LGSN: variants seen among roughly 807,000 people sequenced by gnomAD.
LGSN encodes the protein lengsin.
A neutral mutation model predicts 19.5 loss-of-function variants in LGSN; 21 were observed. That is an observed-to-expected ratio of 1.07 (90% CI 0.76 to 1.55). The LOEUF (loss-of-function observed/expected upper bound fraction) is 1.55. Among genes scored for constraint, LGSN ranks in the 40% most tolerant of loss-of-function variants. LGSN has a pLI of 0.00. For synonymous variants in LGSN, 257 were observed against 215.6 expected (o/e 1.19, Z -1.68); for missense variants, 673 against 608.5 (o/e 1.11, Z -1.12).
the LGSN span, among the ~76,000 whole-genome samples, chr6:63,445,360 G>A: frequency 6.6e-5 from 10 of 151,798 alleles, 1 homozygote; most frequent in South Asian, 1.9e-3. Context: ...GCTCACGCCT[G>A]TAATCTCAGC....
At chr6:63,294,843 A>T (rs1767913128) in intron 2 of LGSN, 70 bp downstream of exon 2, 3 of 1,467,502 alleles carry the variant, frequency 2.0e-6, no homozygotes, top group Non-Finnish European at 2.8e-6. Flanking sequence ...AAGATGTTTT[A>T]TGAAAAGAAA....
the LGSN span, among the ~76,000 whole-genome samples, chr6:63,423,411 C>A: frequency 6.6e-6 from 1 of 150,410 alleles, no homozygotes; most frequent in South Asian, 2.1e-4. Context: ...AGGAGGCAGG[C>A]AGATTTCATG....
chr6:63,467,150 G>C, the LGSN span, among the ~76,000 whole-genome samples: 5 of 151,962 alleles, frequency 3.3e-5, no homozygotes, highest in Non-Finnish European at 7.4e-5. Context: ...GCCTATAAAA[G>C]ATAAGAATTT....
chr6:63,367,553 A>C, the LGSN span, among the ~76,000 whole-genome samples: 27 of 151,564 alleles, frequency 1.8e-4, no homozygotes, highest in South Asian at 5.6e-3. Flanking sequence ...AGGATCTAGA[A>C]CTAGAAATAC....
At chr6:63,509,108 A>G in the LGSN span, among the ~76,000 whole-genome samples, 592 of 150,980 alleles carry the variant, frequency 3.9e-3, 2 homozygotes, top group Middle Eastern at 0.021. Context: ...TCTGTTGCCC[A>G]GGCTGGAGTA....
At chr6:63,453,339 CTA>C in the LGSN span, among the ~76,000 whole-genome samples, 4 of 152,068 alleles carry the variant, frequency 2.6e-5, no homozygotes, top group African/African-American at 9.7e-5. Flanking sequence ...AATTTTCTCT[CTA>C]TGTGTTCTAT....
the LGSN span, among the ~76,000 whole-genome samples, chr6:63,400,744 A>G: frequency 6.6e-6 from 1 of 152,230 alleles, no homozygotes; most frequent in African/African-American, 2.4e-5. Context: ...CTGTAATCCC[A>G]GTACTTTGGG....
At chr6:63,313,610 A>G (rs1029629829) in intron 1 of LGSN, among the ~76,000 whole-genome samples, 1 of 152,084 alleles carries the variant, frequency 6.6e-6, no homozygotes, top group Non-Finnish European at 1.5e-5. Context: ...CAAGGTGGGC[A>G]AATGACTTGA....
chr6:63,370,241 T>A, the LGSN span, among the ~76,000 whole-genome samples: 1 of 152,200 alleles, frequency 6.6e-6, no homozygotes, highest in Non-Finnish European at 1.5e-5. Context: ...ACAGAGTAAC[T>A]GACAAGATGT....
chr6:63,319,228 T>C lies in LGSN; in HGVS notation c.30+686A>G, dbSNP rs192044375. ...CTATTTCATACATAATGCACTGGTCTTCCACTGCACTCTTCACATAGTAGG... is the reference window on the plus strand; with the variant it reads ...CTATTTCATACATAATGCACTGGTCCTCCACTGCACTCTTCACATAGTAGG... On this transcript the variant is annotated intron_variant, in intron 1 of 3. Coordinates refer to ENST00000370657, the MANE Select transcript of LGSN (RefSeq NM_016571.3). 2.2e-4 allele frequency among the ~76,000 whole-genome samples: 34 copies of C among 152,370 alleles called. 1 individual carries two copies. The highest frequency in any genetic ancestry group is 2.1e-3 in the Admixed American group (32 of 15,302).
the LGSN span, among the ~76,000 whole-genome samples, chr6:63,328,878 G>T: frequency 6.6e-5 from 10 of 152,292 alleles, no homozygotes; most frequent in Non-Finnish European, 1.2e-4. Flanking sequence ...GGGATCCATA[G>T]TTGGCAAAAG....
the LGSN span, among the ~76,000 whole-genome samples, chr6:63,547,418 G>C: frequency 6.6e-6 from 1 of 150,598 alleles, no homozygotes; most frequent in Non-Finnish European, 1.5e-5. Flanking sequence ...TTGAACTCCT[G>C]ACCTCAAGTG....
At chr6:63,501,907 C>G in the LGSN span, among the ~76,000 whole-genome samples, 41 of 152,258 alleles carry the variant, frequency 2.7e-4, no homozygotes, top group African/African-American at 9.9e-4. Flanking sequence ...GCAATCCTCC[C>G]ACCTCAGCCT....
chr6:63,369,694 C>T, the LGSN span, among the ~76,000 whole-genome samples: 3 of 152,296 alleles, frequency 2.0e-5, no homozygotes, highest in African/African-American at 7.2e-5. Flanking sequence ...CAGAAGCACA[C>T]TCTCTTAATA....
chr6:63,315,602 T>TTC lies in LGSN; in HGVS notation c.30+4310_30+4311dup, dbSNP rs539021063. Among the ~76,000 whole-genome samples the TTC allele has an allele frequency of 1.4e-3, 181 of 129,492 alleles. 1 individual carries two copies. Among genetic ancestry groups the TTC allele is most frequent in the African/African-American group, 4.5e-3 (156 of 34,594 alleles). 85.0% of individuals were successfully genotyped at this position (129,492 alleles called of 152,430 possible). ...GCTTTTCTGAAGAATAGCTAAAATG[T>TTC]TCTCTCTCTCTCTCTCTGTGTGTGT... On this transcript the variant is annotated intron_variant, in intron 1 of 3. Coordinates refer to ENST00000370657, the MANE Select transcript of LGSN (RefSeq NM_016571.3).
chr6:63,412,464 A>AGGAAAG, the LGSN span, among the ~76,000 whole-genome samples: 2,905 of 128,480 alleles, frequency 0.023, 130 homozygotes, highest in African/African-American at 0.057. Flanking sequence ...GAAAGAAAGA[A>AGGAAAG]AAAGAGAGAG....
chr6:63,456,306 G>C, the LGSN span, among the ~76,000 whole-genome samples: 1 of 142,056 alleles, frequency 7.0e-6, no homozygotes, highest in African/African-American at 2.7e-5. Flanking sequence ...AGGGCACCTT[G>C]AGTCTATACT....
At chr6:63,496,356 A>T in the LGSN span, among the ~76,000 whole-genome samples, 10 of 152,224 alleles carry the variant, frequency 6.6e-5, no homozygotes, top group Admixed American at 6.5e-4. Flanking sequence ...AGAGTTTGCC[A>T]TAGCCACTAG....
At chr6:63,469,517 T>G in the LGSN span, among the ~76,000 whole-genome samples, 1 of 152,186 alleles carries the variant, frequency 6.6e-6, no homozygotes, top group African/African-American at 2.4e-5. Context: ...TTAAAAGATA[T>G]TTTAAGAAGA....
Sources: gnomAD v4.1 joint callset for allele counts (sites outside exome capture counted in the v4.1 genomes callset) on GRCh38, gnomAD v4.1.1 for gene constraint, MANE v1.5 for transcripts, NCBI Gene and HGNC (gene_info 2026-07-23, HGNC 2026-07-21) for gene names.